ABR: variants seen among roughly 807,000 people sequenced by gnomAD.
ABR encodes the protein ABR activator of RhoGEF and GTPase, also known as active breakpoint cluster region-related protein.
Under a neutral mutation model 107.2 loss-of-function variants are expected in ABR, and 35 were observed. The observed-to-expected ratio is 0.33, with a 90% CI of 0.25 to 0.43. ABR has a LOEUF of 0.43. ABR is among the 20% of genes least tolerant of loss of function. ABR has a pLI of 1.00. For synonymous variants in ABR, 498 were observed against 462.0 expected (o/e 1.08, Z -1.00); for missense variants, 815 against 1,115.2 (o/e 0.73, Z 3.83).
intron 16 of ABR, among the ~76,000 whole-genome samples, chr17:1,039,101 C>A (rs1405658066): frequency 6.6e-6 from 1 of 152,208 alleles, no homozygotes; most frequent in Non-Finnish European, 1.5e-5. Context: ...GCTGAGAACA[C>A]CTTTTTTTGG....
chr17:1,213,780 A>G (rs548074939), intron 1 of ABR, among the ~76,000 whole-genome samples: 5 of 152,324 alleles, frequency 3.3e-5, no homozygotes, highest in African/African-American at 1.2e-4. Flanking sequence ...TTAACCCCAC[A>G]GTGATTTCAC....
Position 1,050,008 on chromosome 17 carries a change from C to G in ABR, c.1791+42G>C. ...AATTCCTTTTCAACTGGAACCACCT[C>G]CTGGAGGCTCCCTCAGCCTCGCCCC... On this transcript the variant is annotated intron_variant, in intron 16 of 22. Coordinates refer to ENST00000302538, the MANE Select transcript of ABR (RefSeq NM_021962.5). The surrounding 1 kb of genome is among the most constrained non-coding windows in gnomAD (Gnocchi z 4.6). 2 of 1,591,878 alleles carry G rather than the reference C, an allele frequency of 1.3e-6. No individual in the cohort carries two copies.
intron 1 of ABR, among the ~76,000 whole-genome samples, chr17:1,164,895 T>C (rs1338955931): frequency 1.3e-5 from 2 of 152,180 alleles, no homozygotes; most frequent in Non-Finnish European, 2.9e-5. Flanking sequence ...CTCGAGCTCC[T>C]GGCCTCAAGT....
chr17:1,095,374 A>G (rs2037342775), intron 3 of ABR, among the ~76,000 whole-genome samples: 1 of 151,852 alleles, frequency 6.6e-6, no homozygotes, highest in African/African-American at 2.4e-5. Context: ...CTTGGCTGTT[A>G]CTCCTGATTT....
rs1456060236 is a variant in ABR, at chr17:1,012,369, A to G, written c.1961+319T>C. 5 of 652,986 alleles carry G rather than the reference A, an allele frequency of 7.7e-6. No individual in the cohort carries two copies. In the East Asian group the frequency reaches 1.5e-4, roughly 20 times the overall value. The allele number at this position is 652,986 out of a possible 1,614,324, so 40.4% of individuals were successfully genotyped here. A position where few individuals can be genotyped will look rare whatever the true frequency, so the allele number is the denominator to read the frequency against. On this transcript the variant is annotated intron_variant, in intron 18 of 22. Coordinates refer to ENST00000302538, the MANE Select transcript of ABR (RefSeq NM_021962.5). ...ACCGGGGGACACGTGCCCTTTCCCGAGGGGCCGCCAGTCCCCGTTGGTGCC... is the reference window on the plus strand; with the variant it reads ...ACCGGGGGACACGTGCCCTTTCCCGGGGGGCCGCCAGTCCCCGTTGGTGCC...
intron 2 of ABR, among the ~76,000 whole-genome samples, chr17:1,121,477 G>C (rs954212491): frequency 6.6e-6 from 1 of 152,236 alleles, no homozygotes; most frequent in African/African-American, 2.4e-5. Context: ...AATGCTGCAG[G>C]CCTCCCCTCA....
Position 1,054,431 on chromosome 17 carries a change from C to T in ABR, c.1561+1604G>A, listed in dbSNP as rs146601018. Among the ~76,000 whole-genome samples the T allele has an allele frequency of 1.7e-3, 260 of 152,288 alleles. 1 individual carries two copies. Among genetic ancestry groups the T allele is most frequent in the African/African-American group, 6.0e-3 (249 of 41,554 alleles). ...CAAAACAGCATGACAGGTGCCATAA[C>T]CAGCTTGCCCTGAGCAGGATGGGGG... On this transcript the variant is annotated intron_variant, in intron 14 of 22. Coordinates refer to ENST00000302538, the MANE Select transcript of ABR (RefSeq NM_021962.5).
intron 1 of ABR, among the ~76,000 whole-genome samples, chr17:1,203,775 C>T (rs2042733511): frequency 6.6e-6 from 1 of 152,054 alleles, no homozygotes; most frequent in South Asian, 2.1e-4. Context: ...GGGAACCTCG[C>T]GGGGCGAAGG....
intron 1 of ABR, among the ~76,000 whole-genome samples, chr17:1,207,954 A>G (rs1165382482): frequency 6.6e-6 from 1 of 151,900 alleles, no homozygotes; most frequent in Non-Finnish European, 1.5e-5. Context: ...TATTTTTAGT[A>G]GAGATGGGGT....
At chr17:1,147,681 G>A (rs2040611206) in intron 1 of ABR, among the ~76,000 whole-genome samples, 1 of 152,074 alleles carries the variant, frequency 6.6e-6, no homozygotes, top group Non-Finnish European at 1.5e-5. Context: ...TGGTTCTACG[G>A]CATGACCGGC....
intron 3 of ABR, among the ~76,000 whole-genome samples, chr17:1,096,670 A>G (rs921577982): frequency 6.0e-5 from 9 of 150,714 alleles, no homozygotes; most frequent in Middle Eastern, 3.4e-3. Flanking sequence ...AGGAGGAGAG[A>G]GCTGGGGGAA....
intron 2 of ABR, among the ~76,000 whole-genome samples, chr17:1,116,211 C>T (rs1431787024): frequency 6.6e-6 from 1 of 152,124 alleles, no homozygotes; most frequent in Non-Finnish European, 1.5e-5. Flanking sequence ...CAGAGGGAGA[C>T]GCCATCTCAA....
rs563234497 is a variant in ABR at position 1,098,631 on chromosome 17, C to T, written c.345+2006G>A. ...GAGAGGCACAGTTTGAGAAACAGTG[C>T]AATACGCCTGCTCTTAATGGCAGGG... On this transcript the variant is annotated intron_variant, in intron 3 of 22. Coordinates refer to ENST00000302538, the MANE Select transcript of ABR (RefSeq NM_021962.5). Among the ~76,000 whole-genome samples the T allele has an allele frequency of 2.0e-5, 3 of 152,314 alleles. No homozygotes were observed. The South Asian group carries it at 6.2e-4, about 32-fold the overall frequency.
At chr17:1,096,904 G>A (rs1422458029) in intron 3 of ABR, among the ~76,000 whole-genome samples, 2 of 142,882 alleles carry the variant, frequency 1.4e-5, no homozygotes, top group Non-Finnish European at 3.1e-5. Context: ...GGGAAGGGGG[G>A]AAACCTGCCC....
In ABR at chr17:1,179,621, G is replaced by GTCCCGA. The variant is rs537054382; in HGVS notation, c.61+40_61+45dup. The GTCCCGA allele has an allele frequency of 2.9e-4, 425 of 1,468,754 alleles. 3 individuals are homozygous for GTCCCGA. In the South Asian group the frequency reaches 5.5e-3, roughly 19 times the overall value. 91.0% of individuals were successfully genotyped at this position (1,468,754 alleles called of 1,614,324 possible). On this transcript the variant is annotated intron_variant, in intron 1 of 22. Coordinates refer to ENST00000302538, the MANE Select transcript of ABR (RefSeq NM_021962.5). This position sits in a 1 kb window ranked among gnomAD's most constrained non-coding sequence, Gnocchi z 4.9. ...CTGGGGTCCCGATCTCCATCCTGGG[G>GTCCCGA]TCCCGATCCCGATCCTGGGGTCCCG...
At chr17:1,055,643 T>A in intron 14 of ABR, 1 of 169,650 alleles carries the variant, frequency 5.9e-6, no homozygotes, top group East Asian at 1.5e-4. Flanking sequence ...TTCTCTGGCC[T>A]CAGCCTCCCA....
chr17:1,098,173 C>T (rs1011099402), intron 3 of ABR, among the ~76,000 whole-genome samples: 1 of 151,568 alleles, frequency 6.6e-6, no homozygotes, highest in African/African-American at 2.4e-5. Context: ...CCCAGGTTGA[C>T]GCCATTCTCC....
chr17:1,106,974 T>C (rs1460632421), intron 2 of ABR, among the ~76,000 whole-genome samples: 1 of 152,000 alleles, frequency 6.6e-6, no homozygotes, highest in Non-Finnish European at 1.5e-5. Context: ...AACCTGAGAG[T>C]GTTTGTTGAA....
At chr17:1,171,792 G>A (rs899515165) in intron 1 of ABR, among the ~76,000 whole-genome samples, 7 of 152,162 alleles carry the variant, frequency 4.6e-5, no homozygotes, top group African/African-American at 7.2e-5. Flanking sequence ...TTAGCCGGGC[G>A]TGGTGGCAGC....
Sources: gnomAD v4.1 joint callset for allele counts (sites outside exome capture counted in the v4.1 genomes callset) on GRCh38, gnomAD v4.1.1 for gene constraint, Gnocchi (gnomAD v3.1) non-coding constraint, MANE v1.5 for transcripts, NCBI Gene and HGNC (gene_info 2026-07-23, HGNC 2026-07-21) for gene names.